The following SCFD2 variants were observed in gnomAD, a reference collection of about 807,000 sequenced individuals.
SCFD2 encodes the protein sec1 family domain containing 2.
Under a neutral mutation model 58.9 loss-of-function variants are expected in SCFD2, and 54 were observed. The ratio of observed to expected loss-of-function variants is 0.92; its 90% CI spans 0.74 to 1.15. The LOEUF is 1.15. Ranked by LOEUF, SCFD2 falls within the 50% of genes most tolerant of loss-of-function variation. The pLI is 0.00. For synonymous variants in SCFD2, 321 were observed against 335.9 expected (o/e 0.96, Z 0.49); for missense variants, 805 against 836.6 (o/e 0.96, Z 0.47).
At chr4:53,330,272 C>A (rs1033310133) in intron 2 of SCFD2, among the ~76,000 whole-genome samples, 10 of 151,818 alleles carry the variant, frequency 6.6e-5, no homozygotes, top group African/African-American at 2.4e-4. Flanking sequence ...TCAAGAAGAG[C>A]AACTCCAAGA....
intron 4 of SCFD2, among the ~76,000 whole-genome samples, chr4:53,237,237 T>G (rs944686702): frequency 6.7e-6 from 1 of 149,458 alleles, no homozygotes; most frequent in Middle Eastern, 3.4e-3. Flanking sequence ...CCATGTCTAC[T>G]TCTTTCTACA....
chr4:52,921,327 A>G (rs1464024177), intron 5 of SCFD2, among the ~76,000 whole-genome samples: 2 of 152,224 alleles, frequency 1.3e-5, no homozygotes, highest in Admixed American at 1.3e-4. Flanking sequence ...TGTCTAATGC[A>G]CTAACAAAGC....
intron 5 of SCFD2, chr4:52,957,807 GA>G (rs1312556539): frequency 2.0e-5 from 3 of 152,224 alleles, no homozygotes; most frequent in African/African-American, 7.2e-5. Context: ...AGGTTTAGAT[GA>G]AAAACTAACG....
chr4:53,034,609 A>G (rs964599159), intron 5 of SCFD2, among the ~76,000 whole-genome samples: 1 of 152,254 alleles, frequency 6.6e-6, no homozygotes, highest in African/African-American at 2.4e-5. Context: ...TTAAGTTGAT[A>G]AGCAACTTCA....
At chr4:52,906,592 C>A (rs1444379351) in intron 7 of SCFD2, among the ~76,000 whole-genome samples, 1 of 152,184 alleles carries the variant, frequency 6.6e-6, no homozygotes. Flanking sequence ...AGGAAGGAGA[C>A]CTGCAGGTCC....
chr4:53,222,503 C>T lies in SCFD2; in HGVS notation c.1311+51323G>A, dbSNP rs548856200. Among the ~76,000 whole-genome samples the T allele has an allele frequency of 1.1e-4, 17 of 152,218 alleles. No homozygotes were observed. The South Asian group carries it at 3.5e-3, about 32-fold the overall frequency. ...ATTTGCTAATAATATCCTGAACTTA[C>T]TTTTTATTTGAAATTTTTATTGGTT... On this transcript the variant is annotated intron_variant, in intron 4 of 8. Coordinates refer to ENST00000401642, the MANE Select transcript of SCFD2 (RefSeq NM_152540.4).
chr4:53,127,946 T>G lies in SCFD2; in HGVS notation c.1561+17387A>C, dbSNP rs532674371. Among the ~76,000 whole-genome samples the G allele has an allele frequency of 1.2e-3, 179 of 149,862 alleles. 1 individual carries two copies. The highest frequency in any genetic ancestry group is 3.5e-3 in the Middle Eastern group (1 of 286). On this transcript the variant is annotated intron_variant, in intron 5 of 8. Transcript: ENST00000401642. Reference sequence around the variant, plus strand: ...GAGAGTAATAACCCAGTTTTTTGTTTTTTTTTTTTTTTAGCCCAATCATGT... The same window carrying G: ...GAGAGTAATAACCCAGTTTTTTGTTGTTTTTTTTTTTTAGCCCAATCATGT...
At position 52,984,597 on chromosome 4, in the gene SCFD2, A is replaced by G. The variant is rs147381411; in HGVS notation, c.1562-63727T>C. Among the ~76,000 whole-genome samples, 37 of 152,348 alleles carry G rather than the reference A, an allele frequency of 2.4e-4. No homozygotes were observed. The East Asian group carries it at 6.9e-3, about 29-fold the overall frequency. On this transcript the variant is annotated intron_variant, in intron 5 of 8. Coordinates refer to ENST00000401642, the MANE Select transcript of SCFD2 (RefSeq NM_152540.4). ...TATGTGACCTAAGAGTGACCATTAT[A>G]TAATAGAATGAATGGGAAACTGCCT... is the stretch of plus-strand genomic sequence containing the variant.
intron 3 of SCFD2, among the ~76,000 whole-genome samples, chr4:53,298,289 G>A (rs1412925252): frequency 3.9e-5 from 6 of 152,226 alleles, no homozygotes; most frequent in Non-Finnish European, 8.8e-5. Flanking sequence ...CAGCACACCA[G>A]GAGATTATAT....
At chr4:53,087,290 T>C (rs1278594120) in intron 5 of SCFD2, among the ~76,000 whole-genome samples, 1 of 152,170 alleles carries the variant, frequency 6.6e-6, no homozygotes, top group East Asian at 1.9e-4. Flanking sequence ...CTACAAAACA[T>C]AGAAGGTAGA....
intron 2 of SCFD2, among the ~76,000 whole-genome samples, chr4:53,349,145 T>G (rs1345754034): frequency 2.0e-5 from 3 of 152,206 alleles, no homozygotes; most frequent in African/African-American, 7.2e-5. Flanking sequence ...GAGGCAGAGC[T>G]GAGTCACAGC....
intron 5 of SCFD2, among the ~76,000 whole-genome samples, chr4:52,931,526 C>T (rs893099142): frequency 2.8e-4 from 43 of 152,230 alleles, no homozygotes; most frequent in Non-Finnish European, 1.0e-4. Context: ...CCCCCCTCCG[C>T]CTCCGGGTGG....
chr4:52,922,727 C>T (rs959519478), intron 5 of SCFD2, among the ~76,000 whole-genome samples: 8 of 152,146 alleles, frequency 5.3e-5, no homozygotes, highest in Admixed American at 6.5e-5. Flanking sequence ...TATATACCTA[C>T]GACTAGAACA....
At chr4:53,011,259 T>TC (rs1722087356) in intron 5 of SCFD2, among the ~76,000 whole-genome samples, 1 of 152,144 alleles carries the variant, frequency 6.6e-6, no homozygotes, top group African/African-American at 2.4e-5. Context: ...TTGCTTTTTT[T>TC]TCCCCCCCAA....
rs28650358 is a variant in SCFD2, at chr4:53,126,402, G to A, written c.1561+18931C>T. Among the ~76,000 whole-genome samples the A allele has an allele frequency of 3.2e-3, 481 of 152,196 alleles. 2 individuals carry two copies. Among genetic ancestry groups the A allele is most frequent in the African/African-American group, 0.011 (469 of 41,534 alleles). On this transcript the variant is annotated intron_variant, in intron 5 of 8. Coordinates refer to ENST00000401642, the MANE Select transcript of SCFD2 (RefSeq NM_152540.4). ...GTGATCTCGGCTCACTGCAAACTCC[G>A]CCTCCTGGATTCAAGTAATTCTCCT...
chr4:53,227,161 AT>A lies in SCFD2; in HGVS notation c.1311+46664del, dbSNP rs144346538. Reference sequence around the variant, plus strand: ...GAGCATCACCTGACCTTCTTCAGTGATGAAAATCCTTCCTATCACCACTCTA... The same window carrying A: ...GAGCATCACCTGACCTTCTTCAGTGAGAAAATCCTTCCTATCACCACTCTA... On this transcript the variant is annotated intron_variant, in intron 4 of 8. Coordinates refer to ENST00000401642, the MANE Select transcript of SCFD2 (RefSeq NM_152540.4). Among the ~76,000 whole-genome samples, 409 of 152,280 alleles carry A rather than the reference AT, an allele frequency of 2.7e-3. 1 individual carries two copies. Among genetic ancestry groups the A allele is most frequent in the African/African-American group, 9.4e-3 (391 of 41,552 alleles).
intron 3 of SCFD2, among the ~76,000 whole-genome samples, chr4:53,296,668 G>A (rs753391426): frequency 7.2e-4 from 109 of 151,970 alleles, no homozygotes; most frequent in Middle Eastern, 6.8e-3. Context: ...GTTATTTCTT[G>A]CCTTCTGCTA....
intron 4 of SCFD2, among the ~76,000 whole-genome samples, chr4:53,272,109 A>G (rs927905502): frequency 2.0e-5 from 3 of 152,274 alleles, no homozygotes; most frequent in Non-Finnish European, 4.4e-5. Context: ...AAAAATGGTC[A>G]TCATCACTGG....
At chr4:52,903,245 C>T (rs1426045797) in intron 7 of SCFD2, among the ~76,000 whole-genome samples, 1 of 152,216 alleles carries the variant, frequency 6.6e-6, no homozygotes, top group African/African-American at 2.4e-5. Flanking sequence ...AGGCTTCCTT[C>T]CCCTTGTGCA....
Sources: gnomAD v4.1 joint callset for allele counts (sites outside exome capture counted in the v4.1 genomes callset) on GRCh38, gnomAD v4.1.1 for gene constraint, MANE v1.5 for transcripts, NCBI Gene and HGNC (gene_info 2026-07-23, HGNC 2026-07-21) for gene names.